Variants in SPTAN1 observed in about 807,000 individuals in gnomAD.
SPTAN1 encodes the protein spectrin alpha, non-erythrocytic 1.
A neutral mutation model predicts 331.3 loss-of-function variants in SPTAN1; 61 were observed. The ratio of observed to expected loss-of-function variants is 0.18; its 90% confidence interval spans 0.15 to 0.23. The LOEUF is 0.23. Among genes scored for constraint, SPTAN1 ranks in the 10% least tolerant of loss-of-function variants. The pLI is 1.00. For missense variants in SPTAN1, 2,043 were observed against 3,147.9 expected (o/e 0.65, Z 8.40); for synonymous variants, 1,153 against 1,173.9 (o/e 0.98, Z 0.36).
At position 128,632,427 on chromosome 9, in the gene SPTAN1, C is replaced by T. The variant is rs1859909399; in HGVS notation, c.6960-4C>T. ...CTGTTCCCTAATTTCTGTTTTTCTT[C>T]CAGGAACACAACAGGTGTGACTGAG... On this transcript the variant is annotated splice_polypyrimidine_tract_variant and splice_region_variant and intron_variant, in intron 53 of 56. Transcript: ENST00000372739. The T allele has an allele frequency of 1.9e-6, 3 of 1,614,002 alleles. No homozygotes were observed. The highest frequency in any genetic ancestry group is 2.5e-6 in the Non-Finnish European group (3 of 1,180,024).
chr9:128,619,058 G>A, intron 44 of SPTAN1, 55 bp downstream of exon 44: 13 of 1,611,328 alleles, frequency 8.1e-6, no homozygotes, highest in African/African-American at 1.3e-5. Flanking sequence ...CTGCCTGCTG[G>A]TCATCATTTC....
rs2131984545 is a variant in SPTAN1, at chr9:128,627,367, G to A, written c.6577-19G>A. The A allele has an allele frequency of 1.9e-6, 3 of 1,548,844 alleles. No homozygotes were observed. The highest frequency in any genetic ancestry group is 1.7e-6 in the Non-Finnish European group (2 of 1,144,990). On this transcript the variant is annotated intron_variant, in intron 49 of 56. Coordinates refer to ENST00000372739, the MANE Select transcript of SPTAN1 (RefSeq NM_001130438.3). This position sits in a 1 kb window ranked among gnomAD's most constrained non-coding sequence, Gnocchi z 4.9. ...ACTGCCACAGCAGCGCACAGCATCTGCCCCCCTTTGGCCCTCAGGAGAGGG... is the reference window on the plus strand; with the variant it reads ...ACTGCCACAGCAGCGCACAGCATCTACCCCCCTTTGGCCCTCAGGAGAGGG...
intron 5 of SPTAN1, among the ~76,000 whole-genome samples, chr9:128,576,531 C>CA (rs1471943472): frequency 6.6e-6 from 1 of 152,198 alleles, no homozygotes; most frequent in Admixed American, 6.5e-5. Flanking sequence ...AGTTACCACA[C>CA]AGTTGTTGCC....
chr9:128,610,877 T>C (rs1310645456), intron 37 of SPTAN1, among the ~76,000 whole-genome samples: 1 of 152,208 alleles, frequency 6.6e-6, no homozygotes, highest in Non-Finnish European at 1.5e-5. Flanking sequence ...ATGTCTGTAG[T>C]AGCTGTAGAT....
chr9:128,597,130 A>G (rs1434270021), intron 24 of SPTAN1, among the ~76,000 whole-genome samples: 1 of 152,176 alleles, frequency 6.6e-6, no homozygotes, highest in Non-Finnish European at 1.5e-5. Flanking sequence ...ACTGCACTCC[A>G]GTCTGGGCAA....
At chr9:128,607,240 G>A (rs1856011928) in intron 31 of SPTAN1, among the ~76,000 whole-genome samples, 1 of 151,844 alleles carries the variant, frequency 6.6e-6, no homozygotes, top group Non-Finnish European at 1.5e-5. Flanking sequence ...CTGAGCTCAA[G>A]CGATCCTCCT....
rs766620145 is a variant in SPTAN1 at position 128,625,116 on chromosome 9, C to T, written c.6006C>T (p.Asn2002=). Reference sequence around the variant, plus strand: ...TTCGTTTTCTAGGTGAAAAGGAGAACAGCTTGAAGACAGATGATTATGGCC... The same window carrying T: ...TTCGTTTTCTAGGTGAAAAGGAGAATAGCTTGAAGACAGATGATTATGGCC... ...VVESWIGEKE[N]SLKTDDYGRD... is the part of the protein sequence containing the mutation. Residue 2002 remains asparagine, a synonymous_variant, in exon 47 of 57, where the codon AAC becomes AAT. Transcript: ENST00000372739. This position sits in a 1 kb window ranked among gnomAD's most constrained non-coding sequence, Gnocchi z 4.1. The T allele has an allele frequency of 1.9e-6, 3 of 1,614,170 alleles. No individual in the cohort carries two copies. The highest frequency in any genetic ancestry group is 2.2e-5 in the East Asian group (1 of 44,884).
intron 1 of SPTAN1, 41 bp from the exon 2 acceptor site, chr9:128,566,697 G>T (rs564670933): frequency 1.2e-6 from 2 of 1,613,286 alleles, no homozygotes; most frequent in African/African-American, 2.7e-5. Flanking sequence ...ATCTATTTTG[G>T]TGCCTATTGG....
chr9:128,605,247 C>T (rs377395236), intron 30 of SPTAN1, 49 bp from the exon 31 acceptor site: 7 of 1,613,878 alleles, frequency 4.3e-6, no homozygotes, highest in Non-Finnish European at 5.9e-6. Context: ...TTCTGTTCTG[C>T]AGAGCATACC....
Position 128,629,852 on chromosome 9 carries a change from G to A in SPTAN1, c.6708-469G>A. 3.1e-6 allele frequency: 1 copy of A among 320,084 alleles called. No homozygotes were observed. Among genetic ancestry groups the A allele is most frequent in the South Asian group, 2.7e-5 (1 of 37,086 alleles). 19.8% of individuals were successfully genotyped at this position (320,084 alleles called of 1,614,324 possible). On this transcript the variant is annotated intron_variant, in intron 51 of 56. Coordinates refer to ENST00000372739, the MANE Select transcript of SPTAN1 (RefSeq NM_001130438.3). This position sits in a 1 kb window ranked among gnomAD's most constrained non-coding sequence, Gnocchi z 4.9. ...CGTGCTCTCATTCCCCCTAGAATGG[G>A]GCTCCCTCCCTCAGGAACCTTGCCG...
intron 21 of SPTAN1, 109 bp downstream of exon 21, chr9:128,589,052 T>C: frequency 2.0e-6 from 3 of 1,487,552 alleles, no homozygotes; most frequent in Non-Finnish European, 9.1e-7. Flanking sequence ...GGCTTAGAAT[T>C]CAAAGACATG....
intron 43 of SPTAN1, 145 bp from the exon 44 acceptor site, chr9:128,618,726 G>A: frequency 2.6e-6 from 3 of 1,148,198 alleles, no homozygotes; most frequent in Non-Finnish European, 3.9e-6. Context: ...CTCGTGATCT[G>A]CCCGCCTCGG....
In SPTAN1 at chr9:128,609,260, G is replaced by T. The variant is rs370640807; in HGVS notation, c.4734G>T (p.Ser1578=). Residue 1578 remains serine (S), a synonymous_variant, in exon 36 of 57, where the codon TCG becomes TCT. Transcript: ENST00000372739. Reference sequence around the variant, plus strand: ...AATTGCAAACAGCGAGTGATGAGTCGTACAAGGATCCCACCAACATCCAGG... The same window carrying T: ...AATTGCAAACAGCGAGTGATGAGTCTTACAAGGATCCCACCAACATCCAGG... The part of the protein sequence containing the change: ...SEKLQTASDE[S]YKDPTNIQLS... 3 of 1,614,098 alleles carry T rather than the reference G, an allele frequency of 1.9e-6. No individual in the cohort carries two copies. In the African/African-American group the frequency reaches 4.0e-5, roughly 22 times the overall value.
In SPTAN1 at chr9:128,588,310, A is replaced by ATTTTT. The variant is rs386416287; in HGVS notation, c.2872-485_2872-481dup. ...GTGCCCGGCCCTACTTTAAAATGAG[A>ATTTTT]TTTTTTTTTTTTTTTTTTGAGATGG... On this transcript the variant is annotated intron_variant, in intron 20 of 56. Coordinates refer to ENST00000372739, the MANE Select transcript of SPTAN1 (RefSeq NM_001130438.3). Among the ~76,000 whole-genome samples, 39 of 114,704 alleles carry ATTTTT rather than the reference A, an allele frequency of 3.4e-4. 5 individuals carry two copies. Among genetic ancestry groups the ATTTTT allele is most frequent in the Non-Finnish European group, 4.5e-4 (27 of 60,046 alleles). The allele number at this position is 114,704 out of a possible 152,430, so 75.3% of individuals were successfully genotyped here.
chr9:128,600,243 G>GTTCTCCT, intron 27 of SPTAN1, 128 bp downstream of exon 27: 1 of 1,040,980 alleles, frequency 9.6e-7, no homozygotes, highest in Non-Finnish European at 1.5e-6. Flanking sequence ...TGTTTGGGCT[G>GTTCTCCT]GTTTCTTTCT....
chr9:128,579,250 A>G (rs1471911850), intron 9 of SPTAN1, among the ~76,000 whole-genome samples: 4 of 152,230 alleles, frequency 2.6e-5, no homozygotes, highest in Admixed American at 1.3e-4. Flanking sequence ...ATTCAAAAAA[A>G]GCTGAGACAA....
chr9:128,603,148 G>A (rs536258519), intron 27 of SPTAN1, among the ~76,000 whole-genome samples: 6 of 151,850 alleles, frequency 4.0e-5, no homozygotes, highest in African/African-American at 1.4e-4. Flanking sequence ...GCTCCTGGCT[G>A]TTAAACAGTC....
At position 128,599,882 on chromosome 9, in the gene SPTAN1, C is replaced by G. The variant is rs1240939999; in HGVS notation, c.3544-198C>G. Reference sequence around the variant, plus strand: ...AAAAAAATTGGAATTTTTCTCTCCCCTGTTTGTTGGCTTAATTTTTCTTAA... The same window carrying G: ...AAAAAAATTGGAATTTTTCTCTCCCGTGTTTGTTGGCTTAATTTTTCTTAA... On this transcript the variant is annotated intron_variant, in intron 26 of 56. Transcript: ENST00000372739. The G allele has an allele frequency of 2.3e-5, 14 of 621,264 alleles. No individual in the cohort carries two copies. In the East Asian group the frequency reaches 3.9e-4, roughly 17 times the overall value. The allele number at this position is 621,264 out of a possible 1,614,324, so 38.5% of individuals were successfully genotyped here.
chr9:128,582,586 T>A, intron 13 of SPTAN1, 30 bp downstream of exon 13: 1 of 1,611,728 alleles, frequency 6.2e-7, no homozygotes, highest in Admixed American at 1.7e-5. Flanking sequence ...ATGCTCCTCC[T>A]TTTTGGTACA....
Sources: allele counts gnomAD v4.1 joint callset (sites outside exome capture counted in the v4.1 genomes callset), GRCh38; gene constraint gnomAD v4.1.1; non-coding constraint Gnocchi (gnomAD v3.1); transcripts MANE v1.5; gene names NCBI Gene and HGNC (gene_info 2026-07-23, HGNC 2026-07-21).